PALLD: variants seen among roughly 807,000 people sequenced by gnomAD.
PALLD encodes palladin.
A neutral mutation model predicts 123.5 loss-of-function variants in PALLD; 61 were observed. The ratio of observed to expected loss-of-function variants is 0.49; its 90% CI spans 0.40 to 0.61. The LOEUF is 0.61. PALLD is among the 20% of genes least tolerant of loss of function. The probability of loss-of-function intolerance (pLI) is 0.00; values close to 1 mark genes in which losing one functional copy is unlikely to be tolerated. For synonymous variants in PALLD, 465 were observed against 496.4 expected (o/e 0.94, Z 0.84); for missense variants, 1,273 against 1,377.0 (o/e 0.92, Z 1.20).
At chr4:168,912,660 A>T (rs770355509) in intron 15 of PALLD, among the ~76,000 whole-genome samples, 36 of 152,218 alleles carry the variant, frequency 2.4e-4, no homozygotes, top group Non-Finnish European at 5.0e-4. Flanking sequence ...CAAAGCATGT[A>T]TACAACGTAT....
chr4:168,620,252 C>T (rs1482185179), intron 2 of PALLD, among the ~76,000 whole-genome samples: 4 of 152,116 alleles, frequency 2.6e-5, no homozygotes, highest in Non-Finnish European at 4.4e-5. Flanking sequence ...GTCAGGAGTT[C>T]GAGACCAGCC....
At chr4:168,650,082 G>A (rs1475391402) in intron 2 of PALLD, among the ~76,000 whole-genome samples, 2 of 152,120 alleles carry the variant, frequency 1.3e-5, no homozygotes, top group East Asian at 3.9e-4. Context: ...GCTGAGGCGG[G>A]AGAATTGCTT....
chr4:168,627,196 T>C (rs1775382019), intron 2 of PALLD, among the ~76,000 whole-genome samples: 1 of 152,180 alleles, frequency 6.6e-6, no homozygotes, highest in African/African-American at 2.4e-5. Flanking sequence ...TAATACCTTA[T>C]ACACTAAACC....
At position 168,785,864 on chromosome 4, in the gene PALLD, T is replaced by G. The variant is rs1340295032; in HGVS notation, c.1964+73941T>G. On this transcript the variant is annotated intron_variant, in intron 10 of 21. Transcript: ENST00000505667. ...CTGTAGAGATATATATATATATATA[T>G]ATATATATATATAGCATTTTAAGCC... Among the ~76,000 whole-genome samples, 3 of 136,514 alleles carry G rather than the reference T, an allele frequency of 2.2e-5. 1 individual carries two copies. Among genetic ancestry groups the G allele is most frequent in the Non-Finnish European group, 4.8e-5 (3 of 61,882 alleles). 89.6% of individuals were successfully genotyped at this position (136,514 alleles called of 152,430 possible).
intron 2 of PALLD, among the ~76,000 whole-genome samples, chr4:168,594,754 T>C (rs1428066603): frequency 6.6e-6 from 1 of 152,150 alleles, no homozygotes; most frequent in Non-Finnish European, 1.5e-5. Flanking sequence ...CTGCCAGTAA[T>C]GCCTTACAGG....
At chr4:168,915,274 T>TTACTTTCA (rs1173000331) in intron 16 of PALLD, among the ~76,000 whole-genome samples, 3 of 152,242 alleles carry the variant, frequency 2.0e-5, no homozygotes, top group African/African-American at 7.2e-5. Context: ...TTCCCTGCGA[T>TTACTTTCA]TACTTTCAAC....
chr4:168,739,478 A>C (rs1788111324), intron 10 of PALLD, among the ~76,000 whole-genome samples: 1 of 152,214 alleles, frequency 6.6e-6, no homozygotes, highest in Non-Finnish European at 1.5e-5. Context: ...CAGTTAGAAA[A>C]AATAAGTTCT....
At chr4:168,830,029 C>T (rs2150841148) in intron 10 of PALLD, among the ~76,000 whole-genome samples, 1 of 152,128 alleles carries the variant, frequency 6.6e-6, no homozygotes, top group East Asian at 1.9e-4. Flanking sequence ...GTCAGGAGTT[C>T]AAGAGCAGCT....
At chr4:168,665,879 A>G (rs1177196335) in intron 2 of PALLD, among the ~76,000 whole-genome samples, 1 of 152,150 alleles carries the variant, frequency 6.6e-6, no homozygotes, top group African/African-American at 2.4e-5. Context: ...TGAGGGCCAT[A>G]TAATATGTTG....
intron 10 of PALLD, among the ~76,000 whole-genome samples, chr4:168,716,014 A>G (rs1347383800): frequency 6.6e-6 from 1 of 152,170 alleles, no homozygotes; most frequent in Non-Finnish European, 1.5e-5. Context: ...TCTGAAGGGA[A>G]ACCTGTGAAT....
intron 2 of PALLD, among the ~76,000 whole-genome samples, chr4:168,518,488 C>T (rs1014014865): frequency 6.6e-6 from 1 of 152,214 alleles, no homozygotes; most frequent in Non-Finnish European, 1.5e-5. Flanking sequence ...TTGCCACTCC[C>T]CCAGTCACAG....
intron 10 of PALLD, among the ~76,000 whole-genome samples, chr4:168,777,220 G>T (rs999959): frequency 0.43 from 64,632 of 151,914 alleles, 16,344 homozygotes; most frequent in East Asian, 0.72. Context: ...AGAGCTAACA[G>T]GAGACTAAGC....
chr4:168,606,417 G>A (rs1773173811), intron 2 of PALLD, among the ~76,000 whole-genome samples: 1 of 152,142 alleles, frequency 6.6e-6, no homozygotes, highest in African/African-American at 2.4e-5. Flanking sequence ...GCTCAGGCCT[G>A]TAATCCCAGC....
Position 168,839,119 on chromosome 4 carries a change from A to G in PALLD, c.1965-51803A>G, listed in dbSNP as rs371085665. Among the ~76,000 whole-genome samples the G allele has an allele frequency of 3.6e-4, 54 of 152,070 alleles. No individual in the cohort carries two copies. In the East Asian group the frequency reaches 9.1e-3, roughly 26 times the overall value. On this transcript the variant is annotated intron_variant, in intron 10 of 21. Transcript: ENST00000505667. ...AGGCATGCGCCACCACGCCCAGCTA[A>G]TTTTTTGTATTTTTAATAGAGATGA... is the stretch of plus-strand genomic sequence containing the variant.
chr4:168,522,967 G>A (rs1763695212), intron 2 of PALLD, among the ~76,000 whole-genome samples: 1 of 152,084 alleles, frequency 6.6e-6, no homozygotes, highest in South Asian at 2.1e-4. Context: ...CAATGGTGAA[G>A]TCTAGTTCCA....
intron 1 of PALLD, 139 bp from the exon 2 acceptor site, chr4:168,511,275 GTATACTTGA>G (rs1762506402): frequency 1.9e-6 from 1 of 536,086 alleles, no homozygotes; most frequent in East Asian, 3.3e-5. Flanking sequence ...ATCAACACAA[GTATACTTGA>G]TATTTCTTCC....
chr4:168,627,396 G>A (rs1775401633), intron 2 of PALLD, among the ~76,000 whole-genome samples: 1 of 152,148 alleles, frequency 6.6e-6, no homozygotes, highest in Non-Finnish European at 1.5e-5. Flanking sequence ...TGTAGTCCCA[G>A]ATACTCGGGA....
intron 2 of PALLD, among the ~76,000 whole-genome samples, chr4:168,573,939 CT>C (rs1224618191): frequency 1.1e-3 from 151 of 141,996 alleles, no homozygotes; most frequent in Middle Eastern, 3.5e-3. Flanking sequence ...TGGGAAGCAG[CT>C]TTTTTTTTTT....
At chr4:168,558,288 C>T (rs1460535285) in intron 2 of PALLD, among the ~76,000 whole-genome samples, 1 of 152,218 alleles carries the variant, frequency 6.6e-6, no homozygotes, top group Non-Finnish European at 1.5e-5. Flanking sequence ...CACACAAAGG[C>T]ACTCAGATCT....
Sources: gnomAD v4.1 joint callset for allele counts (sites outside exome capture counted in the v4.1 genomes callset) on GRCh38, gnomAD v4.1.1 for gene constraint, MANE v1.5 for transcripts, NCBI Gene and HGNC (gene_info 2026-07-23, HGNC 2026-07-21) for gene names.